Variants in GRB10 observed in about 807,000 individuals in gnomAD.
GRB10 encodes growth factor receptor-bound protein 10.
A neutral mutation model predicts 80.9 loss-of-function variants in GRB10; 20 were observed. That is an observed-to-expected ratio of 0.25 (90% CI 0.17 to 0.36). GRB10 has a LOEUF of 0.36. GRB10 is among the 10% of genes least tolerant of loss of function. The probability of loss-of-function intolerance (pLI) is 1.00; values close to 1 mark genes in which losing one functional copy is unlikely to be tolerated. For synonymous variants in GRB10, 291 were observed against 291.5 expected, an observed-to-expected ratio of 1.00 and a Z score of 0.02; for missense variants, 548 against 747.7, an observed-to-expected ratio of 0.73 and a Z score of 3.12.
chr7:50,729,178 T>A (rs977419915), intron 4 of GRB10: 3 of 152,236 alleles, frequency 2.0e-5, no homozygotes, highest in African/African-American at 7.2e-5. Context: ...CAGGGCAGGA[T>A]GGCAAGGAGA....
At chr7:50,791,822 G>C (rs2078928959) in intron 1 of GRB10, among the ~76,000 whole-genome samples, 1 of 152,134 alleles carries the variant, frequency 6.6e-6, no homozygotes, top group Non-Finnish European at 1.5e-5. Context: ...GAAAAACCTA[G>C]ACATCTAGAA....
chr7:50,725,040 T>C (rs2068377815), intron 4 of GRB10, among the ~76,000 whole-genome samples: 1 of 152,206 alleles, frequency 6.6e-6, no homozygotes, highest in Non-Finnish European at 1.5e-5. Flanking sequence ...CTGTGCCTGC[T>C]GCCTGCTCTG....
chr7:50,760,854 T>G (rs1462823500), intron 2 of GRB10, among the ~76,000 whole-genome samples: 1 of 152,194 alleles, frequency 6.6e-6, no homozygotes, highest in Non-Finnish European at 1.5e-5. Flanking sequence ...ACTCTCCAGA[T>G]GATGCCACCC....
rs568798836 is a variant in GRB10, at chr7:50,678,475, G to C, written c.140-3817C>G. On this transcript the variant is annotated intron_variant, in intron 5 of 18. Transcript: ENST00000401949. ...ATAAAACTTTTTAGAAATTTTAAATGCCATACTTTAGAAACAACTGTAAAA... is the reference window on the plus strand; with the variant it reads ...ATAAAACTTTTTAGAAATTTTAAATCCCATACTTTAGAAACAACTGTAAAA... 2.0e-3 allele frequency among the ~76,000 whole-genome samples: 308 copies of C among 152,274 alleles called. 1 individual carries two copies. The highest frequency in any genetic ancestry group is 3.4e-3 in the Non-Finnish European group (228 of 68,030).
At chr7:50,792,304 T>G in intron 1 of GRB10, 1 of 307,666 alleles carries the variant, frequency 3.3e-6, no homozygotes. Context: ...TTCAAACGCA[T>G]TGTAAAGATC....
chr7:50,642,625 T>C (rs1218777881), intron 7 of GRB10, among the ~76,000 whole-genome samples: 1 of 152,202 alleles, frequency 6.6e-6, no homozygotes. Flanking sequence ...TTGGAGCATT[T>C]TGGATTTTCA....
intron 7 of GRB10, among the ~76,000 whole-genome samples, chr7:50,659,606 T>A (rs1186598173): frequency 1.6e-5 from 1 of 64,078 alleles, no homozygotes; most frequent in Non-Finnish European, 3.4e-5. Flanking sequence ...TGTGCAATAG[T>A]GTGTGTGCCC....
chr7:50,753,568 C>T (rs924990452), intron 3 of GRB10, among the ~76,000 whole-genome samples: 5 of 152,188 alleles, frequency 3.3e-5, no homozygotes, highest in African/African-American at 1.2e-4. Flanking sequence ...TACCTGCTGA[C>T]CCCTCAAGGG....
intron 3 of GRB10, among the ~76,000 whole-genome samples, chr7:50,744,649 C>T (rs970796930): frequency 6.6e-6 from 1 of 152,118 alleles, no homozygotes; most frequent in African/African-American, 2.4e-5. Context: ...TCAAAGTTTA[C>T]GGTATTGCAT....
chr7:50,769,293 T>C (rs2076720070), intron 2 of GRB10, among the ~76,000 whole-genome samples: 1 of 152,202 alleles, frequency 6.6e-6, no homozygotes. Flanking sequence ...TAGAATTCCA[T>C]TGTCCTCCAC....
At chr7:50,684,278 A>AT (rs1459469095) in intron 5 of GRB10, among the ~76,000 whole-genome samples, 2 of 150,940 alleles carry the variant, frequency 1.3e-5, no homozygotes, top group Non-Finnish European at 3.0e-5. Context: ...AAAAAAAAAA[A>AT]AAAAAAAAAA....
At chr7:50,694,386 A>G (rs2063194818) in intron 5 of GRB10, among the ~76,000 whole-genome samples, 1 of 152,198 alleles carries the variant, frequency 6.6e-6, no homozygotes, top group South Asian at 2.1e-4. Context: ...CACTGATACC[A>G]ATACAAGAGT....
intron 7 of GRB10, among the ~76,000 whole-genome samples, chr7:50,648,622 T>C (rs889780547): frequency 1.3e-5 from 2 of 152,108 alleles, no homozygotes; most frequent in African/African-American, 2.4e-5. Context: ...CCCCCTCCCA[T>C]AGAACGCCTG....
intron 4 of GRB10, among the ~76,000 whole-genome samples, chr7:50,724,179 G>A (rs1587506571): frequency 6.6e-6 from 1 of 152,274 alleles, no homozygotes; most frequent in Non-Finnish European, 1.5e-5. Flanking sequence ...TTTGCAAACT[G>A]GAGCTGCCAA....
chr7:50,785,935 T>G (rs2078675884), upstream of GRB10, among the ~76,000 whole-genome samples: 1 of 152,226 alleles, frequency 6.6e-6, no homozygotes. Context: ...ATGTCAATAA[T>G]GTGTCAATAG....
rs2051214394 is a variant in GRB10, at chr7:50,619,279, C to T, written c.668G>A (p.Cys223Tyr). The T allele has an allele frequency of 1.9e-6, 3 of 1,600,736 alleles. No homozygotes were observed. Among genetic ancestry groups the T allele is most frequent in the African/African-American group, 1.3e-5 (1 of 74,692 alleles). The change falls in exon 9 of 19, where the codon TGC (cysteine) becomes TAC (tyrosine). Residue 223 changes from cysteine to tyrosine, a missense_variant. Coordinates refer to ENST00000401949, the MANE Select transcript of GRB10 (RefSeq NM_001350814.2). ...GACCACCAGCTCATGGTCTTCCAAG[C>T]ACCTCTCTGCAGGGGCAAAGCATCA... ...EHHPHLGLER[C>Y]LEDHELVVQV...
At chr7:50,790,055 T>C (rs1324415271) in intron 1 of GRB10, among the ~76,000 whole-genome samples, 2 of 152,212 alleles carry the variant, frequency 1.3e-5, no homozygotes, top group Admixed American at 6.5e-5. Context: ...GGAAAGCTCA[T>C]TTCTCAGAGA....
chr7:50,688,675 G>C (rs1407537382), intron 5 of GRB10, among the ~76,000 whole-genome samples: 4 of 150,800 alleles, frequency 2.7e-5, no homozygotes, highest in Non-Finnish European at 4.4e-5. Context: ...CCCACTCTCA[G>C]AGAAGACAAT....
chr7:50,604,263 T>C (rs1354283972), intron 16 of GRB10, 48 bp downstream of exon 16: 1 of 1,510,328 alleles, frequency 6.6e-7, no homozygotes, highest in African/African-American at 1.4e-5. Flanking sequence ...GGGGGTGCTG[T>C]TTGATTTTCT....
Sources: gnomAD v4.1 joint callset for allele counts (sites outside exome capture counted in the v4.1 genomes callset) on GRCh38, gnomAD v4.1.1 for gene constraint, MANE v1.5 for transcripts, NCBI Gene and HGNC (gene_info 2026-07-23, HGNC 2026-07-21) for gene names.